DLGAP2: variants seen among roughly 807,000 people sequenced by gnomAD.
DLGAP2 encodes the protein disks large-associated protein 2.
DLGAP2 carries 26 observed loss-of-function variants against 100.3 expected under a neutral mutation model. The observed-to-expected ratio is 0.26, with a 90% CI of 0.19 to 0.36. The LOEUF is 0.36. DLGAP2 is among the 10% of genes least tolerant of loss of function. DLGAP2 has a pLI of 1.00. For missense variants in DLGAP2, 1,858 were observed against 1,453.2 expected, an observed-to-expected ratio of 1.28 and a Z score of -4.53; for synonymous variants, 886 against 630.1, an observed-to-expected ratio of 1.41 and a Z score of -6.08.
intron 2 of DLGAP2, among the ~76,000 whole-genome samples, chr8:997,616 A>T (rs2129017277): frequency 6.6e-6 from 1 of 152,338 alleles, no homozygotes; most frequent in East Asian, 1.9e-4. Context: ...AAACTAATAA[A>T]TTGACTTGAA....
chr8:1,130,085 G>A (rs74435162), intron 2 of DLGAP2, among the ~76,000 whole-genome samples: 6 of 1,776 alleles, frequency 3.4e-3, no homozygotes, highest in African/African-American at 6.3e-3. Flanking sequence ...TTAAGGGATC[G>A]TGTCAGACAC....
intron 2 of DLGAP2, among the ~76,000 whole-genome samples, chr8:1,062,865 C>G (rs1023225346): frequency 6.6e-6 from 1 of 152,156 alleles, no homozygotes; most frequent in Admixed American, 6.5e-5. Flanking sequence ...CAGTCTTCAG[C>G]TATAACCATT....
At chr8:1,439,548 G>A (rs867799436) in intron 3 of DLGAP2, among the ~76,000 whole-genome samples, 6 of 152,132 alleles carry the variant, frequency 3.9e-5, no homozygotes, top group Non-Finnish European at 7.4e-5. Context: ...ATCCTAACGT[G>A]GGCCTCGCTC....
intron 1 of DLGAP2, among the ~76,000 whole-genome samples, chr8:836,443 G>T (rs981731404): frequency 6.6e-6 from 1 of 152,206 alleles, no homozygotes; most frequent in Non-Finnish European, 1.5e-5. Context: ...TCCTGCAGGC[G>T]CCCTGGCAGG....
At chr8:1,201,892 GTGTA>G (rs1202795090) in intron 2 of DLGAP2, among the ~76,000 whole-genome samples, 2 of 152,126 alleles carry the variant, frequency 1.3e-5, no homozygotes, top group African/African-American at 4.8e-5. Context: ...AGCATGTGGT[GTGTA>G]TGTACATGTG....
At chr8:895,273 A>T (rs571378047) in intron 1 of DLGAP2, among the ~76,000 whole-genome samples, 1 of 152,088 alleles carries the variant, frequency 6.6e-6, no homozygotes, top group African/African-American at 2.4e-5. Context: ...ATCATATCGG[A>T]CTCCATAAGT....
intron 3 of DLGAP2, among the ~76,000 whole-genome samples, chr8:1,434,357 G>C (rs987448886): frequency 1.3e-5 from 2 of 152,148 alleles, no homozygotes; most frequent in African/African-American, 2.4e-5. Flanking sequence ...GTAGCCTCAC[G>C]TGCAGACAGC....
chr8:1,011,133 C>T (rs970864563), intron 2 of DLGAP2, among the ~76,000 whole-genome samples: 1 of 149,924 alleles, frequency 6.7e-6, no homozygotes, highest in Non-Finnish European at 1.5e-5. Context: ...CGAAGGGCCT[C>T]AGTCTACACA....
At chr8:1,081,832 A>C (rs1241022924) in intron 2 of DLGAP2, among the ~76,000 whole-genome samples, 1 of 152,140 alleles carries the variant, frequency 6.6e-6, no homozygotes, top group Admixed American at 6.5e-5. Context: ...AGCGACAAAG[A>C]AGAAAAGAAT....
intron 8 of DLGAP2, among the ~76,000 whole-genome samples, chr8:1,637,397 A>T (rs1797791937): frequency 6.6e-6 from 1 of 152,026 alleles, no homozygotes; most frequent in Non-Finnish European, 1.5e-5. Flanking sequence ...GGCTTTACAA[A>T]TAGGCTCAGA....
At chr8:1,245,277 A>G (rs913025884) in intron 2 of DLGAP2, among the ~76,000 whole-genome samples, 1 of 152,254 alleles carries the variant, frequency 6.6e-6, no homozygotes, top group Non-Finnish European at 1.5e-5. Context: ...GTCCACTAAA[A>G]AAACTCATAC....
intron 2 of DLGAP2, among the ~76,000 whole-genome samples, chr8:1,199,743 A>G (rs140841529): frequency 2.0e-5 from 3 of 152,264 alleles, no homozygotes; most frequent in African/African-American, 7.2e-5. Flanking sequence ...TATCTAGGAC[A>G]CTTTAGCATG....
intron 1 of DLGAP2, 179 bp downstream of exon 1, chr8:738,004 C>G (rs896184334): frequency 3.1e-6 from 1 of 321,546 alleles, no homozygotes; most frequent in African/African-American, 2.2e-5. Flanking sequence ...CAGGGACAGC[C>G]TGTGCTCGGG....
intron 3 of DLGAP2, among the ~76,000 whole-genome samples, chr8:1,351,868 G>A (rs1205212891): frequency 1.1e-5 from 1 of 95,068 alleles, no homozygotes; most frequent in Non-Finnish European, 2.2e-5. Context: ...AGGCCGTGCA[G>A]GTCCTGACTG....
rs192851470 is a variant in DLGAP2, at chr8:1,007,742, G to A, written c.73+99776G>A. Among the ~76,000 whole-genome samples the A allele has an allele frequency of 4.6e-5, 7 of 152,238 alleles. No homozygotes were observed. The East Asian group carries it at 1.4e-3, about 29-fold the overall frequency. On this transcript the variant is annotated intron_variant, in intron 2 of 14. Coordinates refer to ENST00000637795, the MANE Select transcript of DLGAP2 (RefSeq NM_001346810.2). ...ATGGAAACCTTCATATAAGGAAGCA[G>A]CTGATTTGGGTGTATAGTGAACTGT...
chr8:1,572,862 C>T (rs1201895927), intron 6 of DLGAP2, among the ~76,000 whole-genome samples: 2 of 100,264 alleles, frequency 2.0e-5, no homozygotes, highest in African/African-American at 8.0e-5. Context: ...GAGGGTTGAA[C>T]TGTGGGGGCA....
chr8:803,158 C>A (rs890840267), intron 1 of DLGAP2, among the ~76,000 whole-genome samples: 2 of 152,046 alleles, frequency 1.3e-5, no homozygotes, highest in African/African-American at 4.8e-5. Flanking sequence ...TGTGTCTAGA[C>A]TTTGGGCCTG....
chr8:1,029,487 G>T (rs536015123), intron 2 of DLGAP2, among the ~76,000 whole-genome samples: 1 of 152,104 alleles, frequency 6.6e-6, no homozygotes, highest in Admixed American at 6.5e-5. Flanking sequence ...GAGAGGTTCT[G>T]GGGGGATGGC....
rs542993615 is a variant in DLGAP2, at chr8:1,694,472, C to T, written c.2797-2675C>T. Among the ~76,000 whole-genome samples the T allele has an allele frequency of 4.1e-4, 63 of 152,298 alleles. No individual in the cohort carries two copies. In the South Asian group the frequency reaches 0.012, roughly 30 times the overall value. On this transcript the variant is annotated intron_variant, in intron 13 of 14. Coordinates refer to ENST00000637795, the MANE Select transcript of DLGAP2 (RefSeq NM_001346810.2). ...CGGGACGGACCGCGGGGGGCAGAGC[C>T]TCTCAGGGTCGGGATGTGCAGGTGG...
Sources: allele counts gnomAD v4.1 joint callset (sites outside exome capture counted in the v4.1 genomes callset), GRCh38; gene constraint gnomAD v4.1.1; transcripts MANE v1.5; gene names NCBI Gene and HGNC (gene_info 2026-07-23, HGNC 2026-07-21).